Variants in DHRS9 observed in about 807,000 individuals in gnomAD.
The protein encoded by DHRS9 is dehydrogenase/reductase SDR family member 9.
In DHRS9, 18 loss-of-function variants were observed where a neutral mutation model predicts 26.6. The observed-to-expected ratio is 0.68, with a 90% confidence interval of 0.47 to 1.00. The LOEUF (loss-of-function observed/expected upper bound fraction) is 1.00, where lower values mean the gene tolerates loss of function less well. Among genes scored for constraint, DHRS9 ranks in the 50% least tolerant of loss-of-function variants. The probability of loss-of-function intolerance (pLI) is 0.00; values close to 1 mark genes in which losing one functional copy is unlikely to be tolerated. For synonymous variants in DHRS9, 134 were observed against 141.1 expected, an observed-to-expected ratio of 0.95 and a Z score of 0.36; for missense variants, 425 against 378.7, an observed-to-expected ratio of 1.12 and a Z score of -1.01.
chr2:169,070,044 T>C (rs753705064), intron 1 of DHRS9: 5 of 954,088 alleles, frequency 5.2e-6, no homozygotes, highest in Non-Finnish European at 6.2e-6. Context: ...TATGATTAAT[T>C]GGAAACTGGA....
At position 169,073,015 on chromosome 2, in the gene DHRS9, A is replaced by G. The variant is rs144726290; in HGVS notation, c.-60+3298A>G. On this transcript the variant is annotated intron_variant, in intron 1 of 4. Coordinates refer to ENST00000674881, the MANE Select transcript of DHRS9 (RefSeq NM_001376924.1). Reference sequence around the variant, plus strand: ...AATATTATGTATTATTATAATTGCTATCATCCTTTTGCCCCAGCGATTCAG... The same window carrying G: ...AATATTATGTATTATTATAATTGCTGTCATCCTTTTGCCCCAGCGATTCAG... Among the ~76,000 whole-genome samples the G allele has an allele frequency of 1.4e-3, 213 of 152,348 alleles. 2 individuals carry two copies. In the South Asian group the frequency reaches 0.018, roughly 13 times the overall value.
rs1286406147 is a variant in DHRS9 at position 169,091,848 on chromosome 2, A to C, written c.631A>C (p.Thr211Pro). 55 of 1,614,118 alleles carry C rather than the reference A, an allele frequency of 3.4e-5. No homozygotes were observed. The highest frequency in any genetic ancestry group is 4.5e-5 in the Non-Finnish European group (53 of 1,179,988). Reference sequence around the variant, plus strand: ...ATGCATTGAACCAGGATTGTTCAAAACAAACTTGGCAGATCCAGTAAAGGT... The same window carrying C: ...ATGCATTGAACCAGGATTGTTCAAACCAAACTTGGCAGATCCAGTAAAGGT... Reference protein sequence around the residue: ...VSCIEPGLFKTNLADPVKVIE... With the variant: ...VSCIEPGLFKPNLADPVKVIE... Residue 211 changes from threonine to proline, a missense_variant, in exon 4 of 5, where the codon ACA (threonine) becomes CCA (proline). Thr to Pro is a conservative substitution (Grantham distance 38, BLOSUM62 -1). Transcript: ENST00000674881.
chr2:169,075,108 C>A (rs1366038733), intron 1 of DHRS9, among the ~76,000 whole-genome samples: 1 of 152,154 alleles, frequency 6.6e-6, no homozygotes, highest in Admixed American at 6.5e-5. Flanking sequence ...ATGTGGTATA[C>A]AAGTTACTAC....
intron 3 of DHRS9, among the ~76,000 whole-genome samples, chr2:169,091,238 A>C (rs1458467021): frequency 7.9e-5 from 3 of 37,740 alleles, no homozygotes; most frequent in African/African-American, 5.8e-4. Context: ...AAATAAAATA[A>C]AATAAAATAA....
At chr2:169,073,280 C>T (rs1337761645) in intron 1 of DHRS9, among the ~76,000 whole-genome samples, 1 of 152,236 alleles carries the variant, frequency 6.6e-6, no homozygotes, top group Non-Finnish European at 1.5e-5. Flanking sequence ...ATTGCCACTA[C>T]AACTGTAGCT....
chr2:169,068,688 C>T (rs890162161), upstream of DHRS9, among the ~76,000 whole-genome samples: 7 of 152,164 alleles, frequency 4.6e-5, no homozygotes, highest in African/African-American at 1.7e-4. Context: ...CATTCATGTG[C>T]TCATTCCAGT....
At chr2:169,082,923 C>A (rs375461509) in intron 2 of DHRS9, among the ~76,000 whole-genome samples, 10 of 152,012 alleles carry the variant, frequency 6.6e-5, no homozygotes, top group African/African-American at 2.2e-4. Flanking sequence ...GGAGATATAT[C>A]TAACGTTAAA....
At chr2:169,075,114 A>G (rs904170697) in intron 1 of DHRS9, among the ~76,000 whole-genome samples, 3 of 152,184 alleles carry the variant, frequency 2.0e-5, no homozygotes, top group Non-Finnish European at 4.4e-5. Flanking sequence ...TATACAAGTT[A>G]CTACACTCCA....
chr2:169,076,494 C>T (rs533194819), intron 1 of DHRS9, among the ~76,000 whole-genome samples: 2 of 152,346 alleles, frequency 1.3e-5, no homozygotes, highest in South Asian at 4.1e-4. Flanking sequence ...TCTAGCTCAT[C>T]GGGTAGATCT....
In DHRS9 at chr2:169,081,883, T is replaced by C. The variant is rs745967839; in HGVS notation, c.302T>C (p.Val101Ala). The C allele has an allele frequency of 2.7e-5, 43 of 1,604,700 alleles. No homozygotes were observed. Among genetic ancestry groups the C allele is most frequent in the East Asian group, 2.2e-5 (1 of 44,726 alleles). ...ACTGCCCAGTGGGTGAAGAACCAAG[T>C]TGGGGAGAAAGGTGAGAGACATGGA... is the stretch of plus-strand genomic sequence containing the variant. ...KRTAQWVKNQVGEKGLWGLIN... is the reference protein window; with the variant it reads ...KRTAQWVKNQAGEKGLWGLIN... Residue 101 changes from valine to alanine, a missense_variant, in exon 2 of 5, where the codon GTT becomes GCT. Val to Ala is a moderately conservative substitution (Grantham distance 64). Coordinates refer to ENST00000674881, the MANE Select transcript of DHRS9 (RefSeq NM_001376924.1).
At chr2:169,081,998 T>A (rs888496727) in intron 2 of DHRS9, 104 bp downstream of exon 2, 5 of 1,185,576 alleles carry the variant, frequency 4.2e-6, no homozygotes, top group East Asian at 5.1e-5. Flanking sequence ...TTCGAGAAAA[T>A]GTTTCCTAAA....
chr2:169,088,423 C>T (rs1684419151), intron 3 of DHRS9, among the ~76,000 whole-genome samples: 2 of 152,208 alleles, frequency 1.3e-5, no homozygotes, highest in South Asian at 2.1e-4. Context: ...CTCTTCAGGG[C>T]CTCTTTCAGT....
chr2:169,078,232 A>G (rs1310625830), intron 1 of DHRS9, among the ~76,000 whole-genome samples: 1 of 152,202 alleles, frequency 6.6e-6, no homozygotes, highest in East Asian at 1.9e-4. Context: ...CCTGTGTGTG[A>G]AAGCACAGCA....
At chr2:169,084,810 T>G (rs943705090) in intron 3 of DHRS9, among the ~76,000 whole-genome samples, 2 of 152,174 alleles carry the variant, frequency 1.3e-5, no homozygotes, top group African/African-American at 4.8e-5. Flanking sequence ...TTGTTTCCTT[T>G]GCTGTGCAGA....
At chr2:169,068,573 G>A (rs572923001), upstream of DHRS9, among the ~76,000 whole-genome samples, 14 of 152,204 alleles carry the variant, frequency 9.2e-5, no homozygotes, top group South Asian at 2.1e-4. Context: ...TGATCCGCCC[G>A]CTTTGGCCTC....
chr2:169,073,878 G>A (rs1392137198), intron 1 of DHRS9, among the ~76,000 whole-genome samples: 1 of 152,148 alleles, frequency 6.6e-6, no homozygotes, highest in Non-Finnish European at 1.5e-5. Flanking sequence ...ACACTAGGAA[G>A]TTCTAGAACA....
intron 1 of DHRS9, chr2:169,070,782 T>TGG (rs1683776880): frequency 1.0e-6 from 1 of 985,260 alleles, no homozygotes. Flanking sequence ...AACGCATACC[T>TGG]GGCCGGGCGC....
chr2:169,085,278 G>C (rs1418205613), intron 3 of DHRS9, among the ~76,000 whole-genome samples: 1 of 152,012 alleles, frequency 6.6e-6, no homozygotes, highest in Admixed American at 6.6e-5. Flanking sequence ...GATTCCTCCA[G>C]TTTTGTATTT....
At chr2:169,085,158 T>G (rs1049239317) in intron 3 of DHRS9, among the ~76,000 whole-genome samples, 3 of 152,200 alleles carry the variant, frequency 2.0e-5, no homozygotes, top group East Asian at 1.9e-4. Flanking sequence ...TGTATGGATT[T>G]GTTTCTGGGT....
Sources: allele counts gnomAD v4.1 joint callset (sites outside exome capture counted in the v4.1 genomes callset), GRCh38; gene constraint gnomAD v4.1.1; transcripts MANE v1.5; gene names NCBI Gene and HGNC (gene_info 2026-07-23, HGNC 2026-07-21).